The following KAZN variants were observed in gnomAD, a reference collection of about 807,000 sequenced individuals.
KAZN encodes kazrin.
A neutral mutation model predicts 87.4 loss-of-function variants in KAZN; 40 were observed. That is an observed-to-expected ratio of 0.46 (90% confidence interval 0.36 to 0.60). The LOEUF is 0.60. KAZN is among the 20% of genes least tolerant of loss of function. The probability of loss-of-function intolerance (pLI) is 0.00; values close to 1 mark genes in which losing one functional copy is unlikely to be tolerated. For missense variants in KAZN, 898 were observed against 1,073.9 expected, an observed-to-expected ratio of 0.84 and a Z score of 2.29; for synonymous variants, 466 against 458.3, an observed-to-expected ratio of 1.02 and a Z score of -0.22.
At chr1:14,366,360 G>A (rs1171336646) in intron 2 of KAZN, among the ~76,000 whole-genome samples, 1 of 152,194 alleles carries the variant, frequency 6.6e-6, no homozygotes, top group Admixed American at 6.5e-5. Flanking sequence ...ACAGTGCAAG[G>A]GGTGACAAGT....
At chr1:14,401,530 T>C (rs558708405) in intron 2 of KAZN, among the ~76,000 whole-genome samples, 2 of 152,094 alleles carry the variant, frequency 1.3e-5, no homozygotes, top group South Asian at 4.2e-4. Flanking sequence ...AATCTATCAG[T>C]ATAGGTCTGG....
At chr1:14,295,077 A>G (rs1282192999) in intron 2 of KAZN, among the ~76,000 whole-genome samples, 2 of 152,084 alleles carry the variant, frequency 1.3e-5, no homozygotes, top group Non-Finnish European at 2.9e-5. Context: ...TTGTTTCCTC[A>G]TCCATCAAAT....
intron 1 of KAZN, among the ~76,000 whole-genome samples, chr1:14,141,903 C>T (rs1414609821): frequency 6.6e-6 from 1 of 152,106 alleles, no homozygotes; most frequent in Non-Finnish European, 1.5e-5. Flanking sequence ...TGGCTGGATG[C>T]TATTCAGTTT....
chr1:14,094,937 A>C (rs1321515035), intron 1 of KAZN, among the ~76,000 whole-genome samples: 1 of 152,200 alleles, frequency 6.6e-6, no homozygotes, highest in Non-Finnish European at 1.5e-5. Context: ...GGCAGCCTGC[A>C]TTTGGGGGCC....
intron 2 of KAZN, among the ~76,000 whole-genome samples, chr1:14,549,431 A>C (rs1571910756): frequency 6.6e-6 from 1 of 152,176 alleles, no homozygotes; most frequent in East Asian, 1.9e-4. Context: ...AAAAGACCAA[A>C]CTTTGTGAGA....
At chr1:14,733,995 G>A (rs1368747765) in intron 1 of KAZN, among the ~76,000 whole-genome samples, 1 of 152,160 alleles carries the variant, frequency 6.6e-6, no homozygotes, top group East Asian at 1.9e-4. Context: ...CCTCTGCCCA[G>A]GATGCCCTTC....
chr1:14,883,318 A>AAGAAAGAAAG (rs1266778797), intron 1 of KAZN, among the ~76,000 whole-genome samples: 9 of 38,546 alleles, frequency 2.3e-4, no homozygotes, highest in African/African-American at 6.9e-4. Context: ...GAAAGAAAGA[A>AAGAAAGAAAG]AGAGAGAGAG....
intron 2 of KAZN, among the ~76,000 whole-genome samples, chr1:14,258,214 C>CTTTT (rs1209354237): frequency 9.4e-6 from 1 of 106,788 alleles, no homozygotes; most frequent in Non-Finnish European, 1.7e-5. Flanking sequence ...TTCTTTCTTT[C>CTTTT]TTTCTTTTTT....
intron 1 of KAZN, among the ~76,000 whole-genome samples, chr1:14,052,412 T>G (rs1224662912): frequency 6.6e-6 from 1 of 152,198 alleles, no homozygotes; most frequent in Non-Finnish European, 1.5e-5. Context: ...CTGCACCTCA[T>G]GTGGCTCAGT....
At chr1:13,945,679 T>TGTGTGTGTG (rs1553177121) in intron 1 of KAZN, among the ~76,000 whole-genome samples, 74 of 123,392 alleles carry the variant, frequency 6.0e-4, no homozygotes, top group African/African-American at 2.3e-3. Flanking sequence ...TGCTCTCAGT[T>TGTGTGTGTG]TGTGTGTGTG....
intron 2 of KAZN, among the ~76,000 whole-genome samples, chr1:14,205,902 A>AAAAAAAAAAAAAC (rs1347848492): frequency 3.5e-5 from 2 of 56,556 alleles, no homozygotes; most frequent in East Asian, 5.0e-4. Context: ...AAAAAAAAAA[A>AAAAAAAAAAAAAC]AAAAGCTACC....
At chr1:14,667,732 C>T (rs1187258307) in intron 1 of KAZN, among the ~76,000 whole-genome samples, 3 of 151,542 alleles carry the variant, frequency 2.0e-5, no homozygotes, top group Non-Finnish European at 2.9e-5. Flanking sequence ...ATTTTCAAAA[C>T]ACAGTGTACT....
In KAZN at chr1:14,591,676, A is replaced by G. The variant is rs543330170; in HGVS notation, c.250-7307A>G. 1.6e-4 allele frequency among the ~76,000 whole-genome samples: 24 copies of G among 152,318 alleles called. 1 individual carries two copies. In the South Asian group the frequency reaches 4.6e-3, roughly 29 times the overall value. On this transcript the variant is annotated intron_variant, in intron 2 of 16. Coordinates refer to the KAZN transcript ENST00000636203. ...TTGGTTAAATATATACACAGAAGGG[A>G]TGCGCCTGACCGACTTTCCCAGCTT...
intron 2 of KAZN, among the ~76,000 whole-genome samples, chr1:14,461,669 G>A (rs944749382): frequency 1.2e-4 from 18 of 152,172 alleles, no homozygotes; most frequent in African/African-American, 4.3e-4. Flanking sequence ...GACAAGACAT[G>A]ACTAAAGCCA....
intron 2 of KAZN, among the ~76,000 whole-genome samples, chr1:14,324,036 A>G (rs892544548): frequency 5.9e-5 from 9 of 152,286 alleles, no homozygotes; most frequent in Middle Eastern, 3.4e-3. Flanking sequence ...ATGCCTTGCC[A>G]AATGCAGCCC....
chr1:14,932,136 C>T (rs573394275), intron 1 of KAZN, among the ~76,000 whole-genome samples: 39 of 152,294 alleles, frequency 2.6e-4, no homozygotes, highest in African/African-American at 7.9e-4. Flanking sequence ...GGAGCCAAGG[C>T]GCTGGGCAGG....
Position 15,099,266 on chromosome 1 carries a change from T to C in KAZN, c.1548-2277T>C, listed in dbSNP as rs752166102. Among the ~76,000 whole-genome samples the C allele has an allele frequency of 1.9e-4, 29 of 152,200 alleles. No homozygotes were observed. Among genetic ancestry groups the C allele is most frequent in the African/African-American group, 5.8e-4 (24 of 41,456 alleles). On this transcript the variant is annotated intron_variant, in intron 10 of 14. Coordinates refer to ENST00000376030, the MANE Select transcript of KAZN (RefSeq NM_201628.3). This position sits in a 1 kb window ranked among gnomAD's most constrained non-coding sequence, Gnocchi z 5.4. ...TTCCAGGAAGCATTCAATCAGTGTC[T>C]ACTGTGCACGTAGACTGTGCTGTTT... is the stretch of plus-strand genomic sequence containing the variant.
At chr1:14,617,575 G>A (rs1678354715) in intron 1 of KAZN, among the ~76,000 whole-genome samples, 2 of 152,186 alleles carry the variant, frequency 1.3e-5, no homozygotes, top group Non-Finnish European at 2.9e-5. Context: ...CGTACCTTAT[G>A]GGGTTTTTAT....
intron 2 of KAZN, among the ~76,000 whole-genome samples, chr1:14,382,458 T>TCCGTCCC (rs1553164583): frequency 2.4e-4 from 9 of 38,006 alleles, no homozygotes; most frequent in African/African-American, 1.2e-3. Flanking sequence ...CCCAATGCTA[T>TCCGTCCC]CCCTCCCCCC....
Sources: allele counts gnomAD v4.1 joint callset (sites outside exome capture counted in the v4.1 genomes callset), GRCh38; gene constraint gnomAD v4.1.1; non-coding constraint Gnocchi (gnomAD v3.1); transcripts MANE v1.5; gene names NCBI Gene and HGNC (gene_info 2026-07-23, HGNC 2026-07-21).